LRRK2: variants seen among roughly 807,000 people sequenced by gnomAD.
The protein encoded by LRRK2 is leucine-rich repeat serine/threonine-protein kinase 2.
In LRRK2, 203 loss-of-function variants were observed where a neutral mutation model predicts 302.6. The ratio of observed to expected loss-of-function variants is 0.67; its 90% CI spans 0.60 to 0.75. LRRK2 has a LOEUF of 0.75. LRRK2 is among the 30% of genes least tolerant of loss of function. LRRK2 has a pLI of 0.00. For synonymous variants in LRRK2, 1,066 were observed against 1,031.9 expected (o/e 1.03, Z -0.63); for missense variants, 2,830 against 2,951.0 (o/e 0.96, Z 0.95).
chr12:40,329,306 T>A (rs1420233929), intron 39 of LRRK2, among the ~76,000 whole-genome samples: 2 of 152,216 alleles, frequency 1.3e-5, no homozygotes, highest in African/African-American at 4.8e-5. Context: ...CTTTTGTTTT[T>A]TTAGTATACC....
At chr12:40,352,205 A>G (rs566542461) in intron 44 of LRRK2, among the ~76,000 whole-genome samples, 1 of 150,946 alleles carries the variant, frequency 6.6e-6, no homozygotes, top group Admixed American at 6.6e-5. Flanking sequence ...CTTTCAAGGC[A>G]TTTCTGGGCA....
chr12:40,256,617 G>GTT (rs1942521314), intron 11 of LRRK2, among the ~76,000 whole-genome samples: 1 of 152,152 alleles, frequency 6.6e-6, no homozygotes, highest in African/African-American at 2.4e-5. Flanking sequence ...CTATGTAAAT[G>GTT]CTTTCCATTC....
intron 3 of LRRK2, among the ~76,000 whole-genome samples, chr12:40,234,290 G>T (rs1411536394): frequency 6.8e-6 from 1 of 147,708 alleles, no homozygotes; most frequent in East Asian, 2.1e-4. Context: ...ATAGACTAGA[G>T]ATTATATTTT....
At chr12:40,269,990 C>T (rs899117982) in intron 14 of LRRK2, among the ~76,000 whole-genome samples, 7 of 152,060 alleles carry the variant, frequency 4.6e-5, no homozygotes, top group African/African-American at 1.7e-4. Flanking sequence ...AACACTACTA[C>T]CTACAGACTA....
At chr12:40,266,404 C>G (rs1456537031) in intron 14 of LRRK2, among the ~76,000 whole-genome samples, 3 of 152,174 alleles carry the variant, frequency 2.0e-5, no homozygotes, top group Non-Finnish European at 4.4e-5. Context: ...TGAAAAAATC[C>G]TCATCATCAT....
intron 16 of LRRK2, 44 bp from the exon 17 acceptor site, chr12:40,277,844 G>T (rs201300235): frequency 3.7e-5 from 55 of 1,493,470 alleles, no homozygotes; most frequent in Non-Finnish European, 4.8e-5. Flanking sequence ...TATTCATTTT[G>T]CCTGTAATTG....
At chr12:40,240,965 T>C (rs1941693899) in intron 6 of LRRK2, among the ~76,000 whole-genome samples, 1 of 152,188 alleles carries the variant, frequency 6.6e-6, no homozygotes. Flanking sequence ...AGTGAGGCAG[T>C]GTCTCTTAGC....
At chr12:40,303,115 T>C (rs994897085) in intron 26 of LRRK2, among the ~76,000 whole-genome samples, 1 of 152,168 alleles carries the variant, frequency 6.6e-6, no homozygotes, top group Non-Finnish European at 1.5e-5. Context: ...GATTGTTTAA[T>C]TAATTGCTGT....
intron 39 of LRRK2, among the ~76,000 whole-genome samples, chr12:40,333,566 G>A (rs778090857): frequency 6.6e-6 from 1 of 152,096 alleles, no homozygotes; most frequent in Non-Finnish European, 1.5e-5. Flanking sequence ...GCCACAGAGA[G>A]GGTTGTTGCC....
chr12:40,359,358 A>G lies in LRRK2; in HGVS notation c.6942A>G (p.Val2314=). The change falls in exon 47 of 51, where the codon GTA becomes GTG. Residue 2314 remains valine, a synonymous_variant. Transcript: ENST00000298910. ...CCACAAATTCAACGGAAAGAAATGT[A>G]ATGTGGGGAGGATGTGGCACAAAGA... ...SESTNSTERN[V]MWGGCGTKIF... 1 of 1,613,382 alleles carries G rather than the reference A, an allele frequency of 6.2e-7. No homozygotes were observed. Among genetic ancestry groups the G allele is most frequent in the Non-Finnish European group, 8.5e-7 (1 of 1,179,584 alleles).
intron 33 of LRRK2, among the ~76,000 whole-genome samples, chr12:40,316,809 G>A (rs529510602): frequency 2.0e-5 from 3 of 152,130 alleles, no homozygotes; most frequent in Admixed American, 6.6e-5. Flanking sequence ...AAATAAAAAA[G>A]ATGTGTAGGT....
In LRRK2 at chr12:40,359,400, T is replaced by G. The variant is rs202003642; in HGVS notation, c.6984T>G (p.Asn2328Lys). The G allele has an allele frequency of 6.2e-7, 1 of 1,613,436 alleles. No individual in the cohort carries two copies. Among genetic ancestry groups the G allele is most frequent in the East Asian group, 2.2e-5 (1 of 44,762 alleles). The change falls in exon 47 of 51, where the codon AAT becomes AAG. Residue 2328 changes from asparagine (N) to lysine (K), a missense_variant. This residue lies in a region of LRRK2 where 456 missense variants were observed against 456.3 expected (regional missense o/e 1.00). Transcript: ENST00000298910. ...GCGTKIFSFSNDFTIQKLIET... is the reference protein window; with the variant it reads ...GCGTKIFSFSKDFTIQKLIET... ...GCACAAAGATTTTCTCCTTTTCTAA[T>G]GATTTCACCATTCAGAAACTCATTG...
At chr12:40,341,074 TC>T (rs1412882266) in intron 41 of LRRK2, among the ~76,000 whole-genome samples, 18 of 152,192 alleles carry the variant, frequency 1.2e-4, no homozygotes, top group Admixed American at 5.9e-4. Context: ...TACCTCCCTT[TC>T]TTAGTTCCCA....
In LRRK2 at chr12:40,238,054, T is replaced by C; in HGVS notation, c.522T>C (p.Asp174=). Residue 174 remains aspartate (D), a synonymous_variant, in exon 5 of 51, where the codon GAT becomes GAC. Transcript: ENST00000298910. ...CCATGCACTCATTTCCAGCCAATGA[T>C]GAAGTCCAGAAACTTGGATGCAAAG... is the stretch of plus-strand genomic sequence containing the variant. ...FDAMHSFPAN[D]EVQKLGCKAL... 6.2e-7 allele frequency: 1 copy of C among 1,613,780 alleles called. No individual in the cohort carries two copies. The highest frequency in any genetic ancestry group is 8.5e-7 in the Non-Finnish European group (1 of 1,179,786).
Position 40,251,366 on chromosome 12 carries a change from C to A in LRRK2, c.1093C>A (p.His365Asn), listed in dbSNP as rs765509204. 1 of 1,613,904 alleles carries A rather than the reference C, an allele frequency of 6.2e-7. No individual in the cohort carries two copies. The highest frequency in any genetic ancestry group is 8.5e-7 in the Non-Finnish European group (1 of 1,179,882). Residue 365 changes from histidine to asparagine, a missense_variant, in exon 9 of 51, where the codon CAC becomes AAC. His to Asn is a moderately conservative substitution (Grantham distance 68). Transcript: ENST00000298910. ...ATTAACGTGGCATAGAAAGAACAAGCACGTGCAGGTAGGACTCTCATAAAT... is the reference window on the plus strand; with the variant it reads ...ATTAACGTGGCATAGAAAGAACAAGAACGTGCAGGTAGGACTCTCATAAAT... ...KALTWHRKNK[H>N]VQEAACWALN... is the part of the protein sequence containing the mutation.
At chr12:40,265,005 A>T (rs1461455487) in intron 14 of LRRK2, among the ~76,000 whole-genome samples, 2 of 152,186 alleles carry the variant, frequency 1.3e-5, no homozygotes, top group Non-Finnish European at 2.9e-5. Context: ...ATGTGATTTG[A>T]TATACTTTGA....
chr12:40,283,752 T>C (rs1418922718), intron 18 of LRRK2, 123 bp from the exon 19 acceptor site: 10 of 806,228 alleles, frequency 1.2e-5, no homozygotes, highest in Non-Finnish European at 1.9e-5. Context: ...TTTTGCCTTA[T>C]TTTATTTTGT....
intron 33 of LRRK2, among the ~76,000 whole-genome samples, chr12:40,315,718 TGATCTGA>T (rs1336809490): frequency 1.3e-5 from 2 of 152,070 alleles, no homozygotes; most frequent in Non-Finnish European, 2.9e-5. Context: ...TTAAGTGAAA[TGATCTGA>T]GCTTTAAATG....
At chr12:40,229,955 CT>C (rs71078229) in intron 2 of LRRK2, among the ~76,000 whole-genome samples, 9,026 of 90,688 alleles carry the variant, frequency 0.1, 335 homozygotes, top group East Asian at 0.15. Context: ...TCCTATGTGA[CT>C]TTTTTTTTTT....
Sources: gnomAD v4.1 joint callset for allele counts (sites outside exome capture counted in the v4.1 genomes callset) on GRCh38, gnomAD v4.1.1 for gene constraint, gnomAD v4.1.1 regional missense constraint, MANE v1.5 for transcripts, NCBI Gene and HGNC (gene_info 2026-07-23, HGNC 2026-07-21) for gene names.